PPP2R2D: variants seen among roughly 807,000 people sequenced by gnomAD.
PPP2R2D encodes the protein protein phosphatase 2 regulatory subunit Bdelta, also known as serine/threonine-protein phosphatase 2A 55 kDa regulatory subunit B delta isoform.
A neutral mutation model predicts 31.1 loss-of-function variants in PPP2R2D; 9 were observed. That is an observed-to-expected ratio of 0.29 (90% CI 0.17 to 0.51). The LOEUF (loss-of-function observed/expected upper bound fraction) is 0.51, where lower values mean the gene tolerates loss of function less well. PPP2R2D is among the 20% of genes least tolerant of loss of function. The pLI is 0.98. For synonymous variants in PPP2R2D, 179 were observed against 172.6 expected (o/e 1.04, Z -0.29); for missense variants, 391 against 465.6 (o/e 0.84, Z 1.48).
intron 2 of PPP2R2D, among the ~76,000 whole-genome samples, chr10:131,929,586 C>T (rs1469349372): frequency 6.6e-6 from 1 of 152,134 alleles, no homozygotes; most frequent in Non-Finnish European, 1.5e-5. Flanking sequence ...TCTTTCACTC[C>T]TAGCAGGTGA....
In PPP2R2D at chr10:131,956,050, T is replaced by G; in HGVS notation, c.*87T>G. The G allele has an allele frequency of 7.5e-7, 1 of 1,335,514 alleles. No homozygotes were observed. The highest frequency in any genetic ancestry group is 2.9e-5 in the East Asian group (1 of 34,260). The allele number at this position is 1,335,514 out of a possible 1,614,324, so 82.7% of individuals were successfully genotyped here. On this transcript the variant is annotated 3_prime_UTR_variant, in exon 9 of 9. Coordinates refer to ENST00000455566, the MANE Select transcript of PPP2R2D (RefSeq NM_018461.5). ...AGAAAAGGCATCATTGTCCGCTCCA[T>G]TAAGAACAGTGACGCACCTGCTACT... is the stretch of plus-strand genomic sequence containing the variant.
chr10:131,947,426 C>G lies in PPP2R2D; in HGVS notation c.821-104C>G. 8.1e-7 allele frequency: 1 copy of G among 1,241,852 alleles called. No individual in the cohort carries two copies. Among genetic ancestry groups the G allele is most frequent in the African/African-American group, 1.5e-5 (1 of 66,460 alleles). 76.9% of individuals were successfully genotyped at this position (1,241,852 alleles called of 1,614,324 possible). A position where few individuals can be genotyped will look rare whatever the true frequency, so the allele number is the denominator to read the frequency against. On this transcript the variant is annotated intron_variant, in intron 7 of 8. Coordinates refer to ENST00000455566, the MANE Select transcript of PPP2R2D (RefSeq NM_018461.5). The surrounding 1 kb of genome is among the most constrained non-coding windows in gnomAD (Gnocchi z 4.3). ...AGAAGACCTAGTGTTGAGGCCAAGC[C>G]CTTCCAGAGTCTCTCTGAAGGGGCC...
intron 2 of PPP2R2D, among the ~76,000 whole-genome samples, chr10:131,927,218 C>T (rs2036123721): frequency 1.3e-5 from 2 of 151,774 alleles, no homozygotes; most frequent in Non-Finnish European, 1.5e-5. Context: ...AGGTGTGAGA[C>T]AGTCATTTTG....
In PPP2R2D at chr10:131,956,721, C is replaced by T; in HGVS notation, c.*758C>T. The stretch of plus-strand genomic sequence containing the variant: ...CCGCTGTGTTTCTGTAGAAGTAGCC[C>T]ATCAGATACACCAGGTAAGGTCTGG... On this transcript the variant is annotated 3_prime_UTR_variant, in exon 9 of 9. Transcript: ENST00000455566. 1 of 314,862 alleles carries T rather than the reference C, an allele frequency of 3.2e-6. No homozygotes were observed. The highest frequency in any genetic ancestry group is 1.2e-4 in the South Asian group (1 of 8,078). 19.5% of individuals were successfully genotyped at this position (314,862 alleles called of 1,614,324 possible).
At chr10:131,935,918 C>G (rs1252118497) in intron 3 of PPP2R2D, among the ~76,000 whole-genome samples, 1 of 151,924 alleles carries the variant, frequency 6.6e-6, no homozygotes, top group Admixed American at 6.6e-5. Context: ...ACAAAATTAG[C>G]CGGGTGTGGT....
At chr10:131,936,616 C>T (rs1193547944) in intron 3 of PPP2R2D, among the ~76,000 whole-genome samples, 2 of 152,200 alleles carry the variant, frequency 1.3e-5, no homozygotes, top group African/African-American at 2.4e-5. Context: ...TTTTGTGAAT[C>T]GTTGCTTAAC....
At chr10:131,940,788 G>T (rs1465354708) in intron 5 of PPP2R2D, 94 bp downstream of exon 5, 5 of 653,742 alleles carry the variant, frequency 7.6e-6, no homozygotes, top group Non-Finnish European at 1.4e-5. Context: ...GTGGAGTACT[G>T]TGAGGTCTGC....
At chr10:131,926,165 T>C (rs1390963259) in intron 2 of PPP2R2D, among the ~76,000 whole-genome samples, 1 of 152,238 alleles carries the variant, frequency 6.6e-6, no homozygotes, top group Non-Finnish European at 1.5e-5. Context: ...CAATTTTGGA[T>C]GCTTTTAGAT....
At chr10:131,943,850 A>G (rs2036485366) in intron 5 of PPP2R2D, 118 bp from the exon 6 acceptor site, 1 of 643,396 alleles carries the variant, frequency 1.6e-6, no homozygotes, top group Non-Finnish European at 2.8e-6. Flanking sequence ...TATTGCCTGT[A>G]CAGAATTATT....
At chr10:131,926,332 A>G (rs1373360002) in intron 2 of PPP2R2D, among the ~76,000 whole-genome samples, 1 of 152,156 alleles carries the variant, frequency 6.6e-6, no homozygotes, top group Non-Finnish European at 1.5e-5. Context: ...GAAAAGACAC[A>G]GAAACGTGTG....
chr10:131,923,493 CTG>C (rs2036034278), intron 2 of PPP2R2D, among the ~76,000 whole-genome samples: 1 of 152,174 alleles, frequency 6.6e-6, no homozygotes, highest in South Asian at 2.1e-4. Context: ...CATATGGCAA[CTG>C]TGTTTAATGT....
chr10:131,956,087 A>G lies in PPP2R2D; in HGVS notation c.*124A>G, dbSNP rs537006468. The stretch of plus-strand genomic sequence containing the variant: ...ACGCACCTGCTACTTCCCTTCACAG[A>G]CACAGGAGAAAGCCGCCTCCGCTGG... On this transcript the variant is annotated 3_prime_UTR_variant, in exon 9 of 9. Coordinates refer to ENST00000455566, the MANE Select transcript of PPP2R2D (RefSeq NM_018461.5). 1 of 1,270,966 alleles carries G rather than the reference A, an allele frequency of 7.9e-7. No homozygotes were observed. Among genetic ancestry groups the G allele is most frequent in the African/African-American group, 1.5e-5 (1 of 65,318 alleles). 78.7% of individuals were successfully genotyped at this position (1,270,966 alleles called of 1,614,324 possible).
intron 2 of PPP2R2D, among the ~76,000 whole-genome samples, chr10:131,926,885 C>T (rs1284868105): frequency 1.3e-5 from 2 of 152,206 alleles, no homozygotes; most frequent in African/African-American, 2.4e-5. Context: ...TGGTAGGAAA[C>T]GAACTCGTTG....
the PPP2R2D span, chr10:131,966,881 GTT>G: frequency 0.027 from 3,029 of 113,262 alleles, 61 homozygotes; most frequent in African/African-American, 0.076. Context: ...CCAACTGGTT[GTT>G]TTTTTTTTTT....
intron 2 of PPP2R2D, among the ~76,000 whole-genome samples, chr10:131,929,792 T>G (rs1336325479): frequency 1.3e-5 from 2 of 152,138 alleles, no homozygotes; most frequent in Non-Finnish European, 2.9e-5. Flanking sequence ...TGACTCCGTT[T>G]CCCCTTCCCC....
At chr10:131,954,806 G>T (rs2036763067) in intron 8 of PPP2R2D, among the ~76,000 whole-genome samples, 1 of 152,226 alleles carries the variant, frequency 6.6e-6, no homozygotes, top group African/African-American at 2.4e-5. Context: ...TGACCATGGG[G>T]GCAGGACGTG....
intron 3 of PPP2R2D, among the ~76,000 whole-genome samples, chr10:131,938,422 G>A (rs1209684868): frequency 6.6e-6 from 1 of 152,166 alleles, no homozygotes; most frequent in African/African-American, 2.4e-5. Flanking sequence ...AGATTCAGAG[G>A]TTAATATAGA....
chr10:131,902,321 C>T (rs1289603785), intron 2 of PPP2R2D, among the ~76,000 whole-genome samples: 1 of 152,092 alleles, frequency 6.6e-6, no homozygotes, highest in African/African-American at 2.4e-5. Flanking sequence ...TACTAAAAGC[C>T]CCTTGTCAGA....
chr10:131,922,405 G>T (rs979678554), intron 2 of PPP2R2D, among the ~76,000 whole-genome samples: 5 of 150,772 alleles, frequency 3.3e-5, no homozygotes, highest in South Asian at 4.2e-4. Context: ...CACAATGTAT[G>T]TATACTTTAG....
Sources: gnomAD v4.1 joint callset for allele counts (sites outside exome capture counted in the v4.1 genomes callset) on GRCh38, gnomAD v4.1.1 for gene constraint, Gnocchi (gnomAD v3.1) non-coding constraint, MANE v1.5 for transcripts, NCBI Gene and HGNC (gene_info 2026-07-23, HGNC 2026-07-21) for gene names.